KCNH5: variants seen among roughly 807,000 people sequenced by gnomAD.
The protein encoded by KCNH5 is potassium voltage-gated channel subfamily H member 5.
A neutral mutation model predicts 96.1 loss-of-function variants in KCNH5; 46 were observed. That is an observed-to-expected ratio of 0.48 (90% CI 0.38 to 0.61). The LOEUF is 0.61. KCNH5 is among the 20% of genes least tolerant of loss of function. The pLI is 0.00. For missense variants in KCNH5, 907 were observed against 1,225.8 expected (o/e 0.74, Z 3.88); for synonymous variants, 439 against 449.8 (o/e 0.98, Z 0.30).
chr14:62,833,181 T>C (rs1887393668), intron 8 of KCNH5, among the ~76,000 whole-genome samples: 1 of 152,054 alleles, frequency 6.6e-6, no homozygotes, highest in Non-Finnish European at 1.5e-5. Flanking sequence ...TTTGGTTTTG[T>C]TGATTTTGCT....
chr14:62,788,847 A>G (rs919508457), intron 9 of KCNH5, among the ~76,000 whole-genome samples: 1 of 152,120 alleles, frequency 6.6e-6, no homozygotes, highest in East Asian at 1.9e-4. Context: ...TATTGCACAC[A>G]TAATAGACTA....
chr14:62,770,611 T>C (rs1428296215), intron 10 of KCNH5, among the ~76,000 whole-genome samples: 1 of 152,216 alleles, frequency 6.6e-6, no homozygotes, highest in Non-Finnish European at 1.5e-5. Flanking sequence ...GGATTGATCA[T>C]GCCTGGGGAC....
At chr14:62,864,185 T>A (rs1888089728) in intron 7 of KCNH5, among the ~76,000 whole-genome samples, 1 of 152,210 alleles carries the variant, frequency 6.6e-6, no homozygotes, top group Non-Finnish European at 1.5e-5. Context: ...GCAAATTTTT[T>A]AAAAAGTGTA....
At chr14:62,943,104 T>C (rs1265381140) in intron 7 of KCNH5, among the ~76,000 whole-genome samples, 2 of 152,212 alleles carry the variant, frequency 1.3e-5, no homozygotes, top group Non-Finnish European at 2.9e-5. Flanking sequence ...GTTGAACTTA[T>C]GGCAAAGAGT....
chr14:63,015,830 A>G (rs1891317401), intron 2 of KCNH5, among the ~76,000 whole-genome samples: 1 of 151,890 alleles, frequency 6.6e-6, no homozygotes, highest in Admixed American at 6.6e-5. Context: ...ATTTCTGATC[A>G]CATTTGGTTG....
chr14:62,810,333 T>C (rs1379576976), intron 8 of KCNH5, among the ~76,000 whole-genome samples: 4 of 152,006 alleles, frequency 2.6e-5, no homozygotes, highest in Non-Finnish European at 5.9e-5. Context: ...TTCATCCCTC[T>C]GCAACCCTTA....
intron 10 of KCNH5, among the ~76,000 whole-genome samples, chr14:62,730,399 T>C (rs189504214): frequency 1.6e-4 from 25 of 152,316 alleles, no homozygotes; most frequent in African/African-American, 5.8e-4. Flanking sequence ...GTAGATATTA[T>C]TATCCTACCT....
intron 4 of KCNH5, among the ~76,000 whole-genome samples, chr14:62,994,578 A>G (rs1005176625): frequency 6.6e-6 from 1 of 152,056 alleles, no homozygotes; most frequent in East Asian, 1.9e-4. Context: ...GCCCCCTTAA[A>G]TTATTATCAG....
chr14:62,926,537 G>C (rs1020482367), intron 7 of KCNH5, among the ~76,000 whole-genome samples: 1 of 151,972 alleles, frequency 6.6e-6, no homozygotes, highest in East Asian at 1.9e-4. Flanking sequence ...TGAGTGGCTT[G>C]AACAACAGAA....
chr14:62,802,589 A>C lies in KCNH5; in HGVS notation c.1570-8T>G. 1 of 1,612,046 alleles carries C rather than the reference A, an allele frequency of 6.2e-7. No individual in the cohort carries two copies. On this transcript the variant is annotated splice_polypyrimidine_tract_variant and splice_region_variant and intron_variant, in intron 8 of 10. Transcript: ENST00000322893. ...GGGACAGATGGAGAGGACCTAAAGAAGGTGAGAGATGAATAAGTGAAAAGG... is the reference window on the plus strand; with the variant it reads ...GGGACAGATGGAGAGGACCTAAAGACGGTGAGAGATGAATAAGTGAAAAGG...
chr14:62,782,462 T>C (rs1886238492), intron 9 of KCNH5, among the ~76,000 whole-genome samples: 1 of 152,206 alleles, frequency 6.6e-6, no homozygotes, highest in Non-Finnish European at 1.5e-5. Context: ...ATGACACTGA[T>C]GAGCAAATTA....
chr14:62,779,723 C>T lies in KCNH5; in HGVS notation c.2019+5G>A, dbSNP rs1017776995. ...AATAAGAAAAAGCAGACCCAGAGAA[C>T]ATACCCGTTTCCTCAGATTGCAAGT... On this transcript the variant is annotated splice_donor_5th_base_variant and intron_variant, in intron 10 of 10. Transcript: ENST00000322893. The T allele has an allele frequency of 6.2e-7, 1 of 1,610,370 alleles. No individual in the cohort carries two copies.
At chr14:62,709,027 C>T (rs1003848906) in intron 10 of KCNH5, among the ~76,000 whole-genome samples, 4 of 151,704 alleles carry the variant, frequency 2.6e-5, no homozygotes, top group East Asian at 1.9e-4. Context: ...GGGCGGACCA[C>T]GAGGTCAGGA....
intron 7 of KCNH5, among the ~76,000 whole-genome samples, chr14:62,877,510 C>A (rs1286711763): frequency 6.6e-6 from 1 of 152,106 alleles, no homozygotes; most frequent in Non-Finnish European, 1.5e-5. Context: ...AAAAAACAAA[C>A]AACCCCATCA....
At chr14:62,826,403 C>CATGTGTGT (rs1482664170) in intron 8 of KCNH5, among the ~76,000 whole-genome samples, 2 of 93,760 alleles carry the variant, frequency 2.1e-5, no homozygotes, top group African/African-American at 9.9e-5. Context: ...TGTGTGCGTG[C>CATGTGTGT]GTGCATGTGT....
At chr14:62,712,033 C>A (rs949235340) in intron 10 of KCNH5, among the ~76,000 whole-genome samples, 2 of 152,074 alleles carry the variant, frequency 1.3e-5, no homozygotes, top group Non-Finnish European at 2.9e-5. Context: ...GGCCTGCTGA[C>A]AATCTGCAGC....
At chr14:62,818,039 C>T (rs1887028871) in intron 8 of KCNH5, among the ~76,000 whole-genome samples, 1 of 134,572 alleles carries the variant, frequency 7.4e-6, no homozygotes, top group South Asian at 2.4e-4. Flanking sequence ...CTTGATCTCA[C>T]CTATATGTGG....
chr14:62,716,020 A>G (rs4141694), intron 10 of KCNH5, among the ~76,000 whole-genome samples: 143,733 of 152,278 alleles, frequency 0.94, 68,311 homozygotes, highest in East Asian at 1. Flanking sequence ...TTTCTTTACC[A>G]TGTAAAAGAT....
At chr14:62,826,344 C>A (rs779368573) in intron 8 of KCNH5, among the ~76,000 whole-genome samples, 1 of 151,340 alleles carries the variant, frequency 6.6e-6, no homozygotes, top group South Asian at 2.1e-4. Flanking sequence ...ATACCTTTAC[C>A]CATCTCTTTA....
Sources: allele counts gnomAD v4.1 joint callset (sites outside exome capture counted in the v4.1 genomes callset), GRCh38; gene constraint gnomAD v4.1.1; transcripts MANE v1.5; gene names NCBI Gene and HGNC (gene_info 2026-07-23, HGNC 2026-07-21).